The following XKR9 variants were observed in gnomAD, a reference collection of about 807,000 sequenced individuals.
XKR9 encodes the protein XK related 9.
A neutral mutation model predicts 32.0 loss-of-function variants in XKR9; 32 were observed. The ratio of observed to expected loss-of-function variants is 1.00; its 90% CI spans 0.76 to 1.34. The LOEUF is 1.34. Among genes scored for constraint, XKR9 ranks in the 40% most tolerant of loss-of-function variants. The probability of loss-of-function intolerance (pLI) is 0.00; values close to 1 mark genes in which losing one functional copy is unlikely to be tolerated. For missense variants in XKR9, 546 were observed against 429.7 expected (o/e 1.27, Z -2.39); for synonymous variants, 168 against 143.4 (o/e 1.17, Z -1.22).
chr8:70,824,852 G>C, the XKR9 span, among the ~76,000 whole-genome samples: 61,138 of 151,530 alleles, frequency 0.4, 13,872 homozygotes, highest in Non-Finnish European at 0.52. Context: ...TAAATGAAAG[G>C]ACTTCCTGAG....
chr8:70,938,181 G>A, the XKR9 span, among the ~76,000 whole-genome samples: 6 of 151,970 alleles, frequency 3.9e-5, no homozygotes, highest in Admixed American at 1.3e-4. Flanking sequence ...TGAAGAGTGG[G>A]ATTTGGAAAA....
chr8:70,919,451 T>C, the XKR9 span, among the ~76,000 whole-genome samples: 1 of 152,126 alleles, frequency 6.6e-6, no homozygotes, highest in African/African-American at 2.4e-5. Flanking sequence ...ATGGTTTGAT[T>C]AGGGGAAATG....
chr8:70,690,109 A>C (rs62530774), intron 3 of XKR9, among the ~76,000 whole-genome samples: 11,039 of 152,142 alleles, frequency 0.073, 472 homozygotes, highest in Non-Finnish European at 0.089. Flanking sequence ...TCTTTTTAAA[A>C]ATTTTTGTTT....
chr8:70,879,864 C>T, the XKR9 span, among the ~76,000 whole-genome samples: 5 of 152,060 alleles, frequency 3.3e-5, no homozygotes, highest in Admixed American at 3.3e-4. Flanking sequence ...AACGTTGATG[C>T]GAAAATCCTC....
chr8:70,964,530 G>A, the XKR9 span, among the ~76,000 whole-genome samples: 2 of 152,176 alleles, frequency 1.3e-5, no homozygotes, highest in Non-Finnish European at 2.9e-5. Flanking sequence ...AATAGGAATA[G>A]CATTGAATCT....
intron 4 of XKR9, among the ~76,000 whole-genome samples, chr8:70,725,758 T>C (rs1806445818): frequency 6.6e-6 from 1 of 151,916 alleles, no homozygotes; most frequent in Non-Finnish European, 1.5e-5. Flanking sequence ...ATACAAAAAT[T>C]AGCTGGGCAT....
chr8:71,063,265 C>T, the XKR9 span, among the ~76,000 whole-genome samples: 4 of 152,082 alleles, frequency 2.6e-5, no homozygotes, highest in Non-Finnish European at 4.4e-5. Flanking sequence ...AGTGTGTGAA[C>T]AGATTTGTTT....
the XKR9 span, among the ~76,000 whole-genome samples, chr8:70,924,657 T>C: frequency 6.6e-6 from 1 of 152,208 alleles, no homozygotes; most frequent in Admixed American, 6.5e-5. Flanking sequence ...CTGGTTGTTT[T>C]CAGACTGTGG....
the XKR9 span, among the ~76,000 whole-genome samples, chr8:71,052,773 G>A: frequency 3.3e-5 from 5 of 152,294 alleles, no homozygotes; most frequent in Admixed American, 1.3e-4. Flanking sequence ...TGGTCATCCC[G>A]CAGATTGCGC....
intron 2 of XKR9, among the ~76,000 whole-genome samples, chr8:70,784,059 A>G (rs969269386): frequency 3.9e-5 from 6 of 152,098 alleles, no homozygotes; most frequent in Admixed American, 3.3e-4. Flanking sequence ...CTGCTGTTCT[A>G]TATGTCTACT....
At chr8:70,815,715 C>T in the XKR9 span, among the ~76,000 whole-genome samples, 20 of 151,848 alleles carry the variant, frequency 1.3e-4, no homozygotes, top group East Asian at 1.6e-3. Context: ...TTAGTAGAGA[C>T]GGGATTTCAC....
the XKR9 span, among the ~76,000 whole-genome samples, chr8:71,017,220 G>A: frequency 6.6e-6 from 1 of 152,126 alleles, no homozygotes; most frequent in Non-Finnish European, 1.5e-5. Context: ...GTTATAAAGG[G>A]GTAGGCAACA....
At chr8:70,854,998 A>G in the XKR9 span, among the ~76,000 whole-genome samples, 1 of 151,990 alleles carries the variant, frequency 6.6e-6, no homozygotes, top group Non-Finnish European at 1.5e-5. Flanking sequence ...TTGACTTGGC[A>G]ATGCAGGCTC....
the XKR9 span, among the ~76,000 whole-genome samples, chr8:70,895,393 A>T: frequency 1.3e-5 from 2 of 152,134 alleles, no homozygotes; most frequent in Non-Finnish European, 2.9e-5. Context: ...GGGAATGGGC[A>T]CTAGGGGCTT....
the XKR9 span, among the ~76,000 whole-genome samples, chr8:70,976,898 C>T: frequency 6.6e-6 from 1 of 152,056 alleles, no homozygotes; most frequent in Non-Finnish European, 1.5e-5. Context: ...ATTTCAGAGC[C>T]TGTTATTGGT....
chr8:71,053,798 A>G, the XKR9 span, among the ~76,000 whole-genome samples: 1 of 152,352 alleles, frequency 6.6e-6, no homozygotes, highest in South Asian at 2.1e-4. Flanking sequence ...AGTGGAACAC[A>G]GGGAAGTGAT....
intron 3 of XKR9, among the ~76,000 whole-genome samples, chr8:70,687,377 CTT>C (rs1407673275): frequency 1.9e-5 from 2 of 107,712 alleles, no homozygotes; most frequent in Admixed American, 9.9e-5. Flanking sequence ...CTTTCTTTCT[CTT>C]TCTTTCTCTT....
chr8:71,006,295 T>C, the XKR9 span, among the ~76,000 whole-genome samples: 1 of 151,894 alleles, frequency 6.6e-6, no homozygotes, highest in African/African-American at 2.4e-5. Context: ...TCAATACAAA[T>C]TCATAAACTT....
chr8:70,826,226 A>C, the XKR9 span, among the ~76,000 whole-genome samples: 1 of 152,112 alleles, frequency 6.6e-6, no homozygotes, highest in Non-Finnish European at 1.5e-5. Context: ...ACTGGTTCTC[A>C]GTATAGCCTC....
Sources: gnomAD v4.1 joint callset for allele counts (sites outside exome capture counted in the v4.1 genomes callset) on GRCh38, gnomAD v4.1.1 for gene constraint, MANE v1.5 for transcripts, NCBI Gene and HGNC (gene_info 2026-07-23, HGNC 2026-07-21) for gene names.